Variants in PAWR observed in about 807,000 individuals in gnomAD.
PAWR encodes the protein PRKC apoptosis WT1 regulator protein.
In PAWR, 23 loss-of-function variants were observed where a neutral mutation model predicts 32.0. That is an observed-to-expected ratio of 0.72 (90% CI 0.52 to 1.02). The LOEUF is 1.02. PAWR is among the 50% of genes least tolerant of loss of function. PAWR has a pLI of 0.00. For missense variants in PAWR, 457 were observed against 437.7 expected (o/e 1.04, Z -0.39); for synonymous variants, 226 against 187.1 (o/e 1.21, Z -1.70).
chr12:79,659,449 TAA>T (rs1377651191), intron 2 of PAWR, among the ~76,000 whole-genome samples: 1 of 152,214 alleles, frequency 6.6e-6, no homozygotes, highest in Non-Finnish European at 1.5e-5. Flanking sequence ...TTCTTGTCAT[TAA>T]AAACACTGCC....
rs1873396961 is a variant in PAWR at position 79,586,781 on chromosome 12, A to G, written c.*5826T>C. On this transcript the variant is annotated 3_prime_UTR_variant, in exon 7 of 7. Transcript: ENST00000328827. ...TTGATTCAGTCATAACAGATTTTTG[A>G]AAGTGACAGTAAAATTATGCATTTG... The G allele has an allele frequency of 1.4e-4, 22 of 152,142 alleles. No individual in the cohort carries two copies. Among genetic ancestry groups the G allele is most frequent in the Admixed American group, 1.4e-3 (22 of 15,264 alleles). 9.4% of individuals were successfully genotyped at this position (152,142 alleles called of 1,614,324 possible). A position where few individuals can be genotyped will look rare whatever the true frequency, so the allele number is the denominator to read the frequency against.
At chr12:79,676,314 T>G (rs1169003951) in intron 2 of PAWR, among the ~76,000 whole-genome samples, 2 of 152,174 alleles carry the variant, frequency 1.3e-5, no homozygotes, top group Non-Finnish European at 2.9e-5. Flanking sequence ...TAATAAAATA[T>G]TCTAAGAGCC....
intron 4 of PAWR, chr12:79,596,975 A>C: frequency 4.3e-6 from 1 of 234,268 alleles, no homozygotes; most frequent in Non-Finnish European, 8.1e-6. Context: ...GAATATAACT[A>C]ATAATAAAGC....
intron 2 of PAWR, among the ~76,000 whole-genome samples, chr12:79,660,565 A>G (rs1160423164): frequency 6.6e-6 from 1 of 152,024 alleles, no homozygotes; most frequent in Admixed American, 6.6e-5. Flanking sequence ...AAGATGGCTA[A>G]AAAAACATTT....
At chr12:79,613,935 A>ATT (rs1874559496) in intron 3 of PAWR, among the ~76,000 whole-genome samples, 1 of 2,934 alleles carries the variant, frequency 3.4e-4, no homozygotes, top group African/African-American at 1.2e-3. Flanking sequence ...CCACCATTAT[A>ATT]TATATATATA....
At chr12:79,612,253 T>C (rs886970188) in intron 4 of PAWR, among the ~76,000 whole-genome samples, 1 of 152,166 alleles carries the variant, frequency 6.6e-6, no homozygotes, top group Admixed American at 6.6e-5. Flanking sequence ...AGTAAATGTA[T>C]TGAGTGTTTT....
intron 5 of PAWR, 122 bp downstream of exon 5, chr12:79,596,389 C>T: frequency 1.8e-6 from 1 of 566,002 alleles, no homozygotes; most frequent in Non-Finnish European, 3.0e-6. Flanking sequence ...TAACAGTTGG[C>T]AGAAAAGCGC....
intron 2 of PAWR, among the ~76,000 whole-genome samples, chr12:79,648,798 A>AT (rs1283508036): frequency 6.6e-6 from 1 of 151,564 alleles, no homozygotes; most frequent in Non-Finnish European, 1.5e-5. Context: ...GGCTAGAAAA[A>AT]AAAAAATAAA....
intron 2 of PAWR, among the ~76,000 whole-genome samples, chr12:79,663,628 C>T (rs534348133): frequency 8.6e-5 from 13 of 151,994 alleles, no homozygotes; most frequent in South Asian, 4.1e-4. Flanking sequence ...GGTGTGGTGG[C>T]GCACACCTGT....
At position 79,585,681 on chromosome 12, in the gene PAWR, C is replaced by T. The variant is rs773274411; in HGVS notation, c.*6926G>A. On this transcript the variant is annotated 3_prime_UTR_variant, in exon 7 of 7. Coordinates refer to ENST00000328827, the MANE Select transcript of PAWR (RefSeq NM_002583.4). ...GGTTAAAGTTATGCTCAAATTGTTACCTGAGATGCTTTGCTTCATTGAAAC... is the reference window on the plus strand; with the variant it reads ...GGTTAAAGTTATGCTCAAATTGTTATCTGAGATGCTTTGCTTCATTGAAAC... The T allele has an allele frequency of 1.3e-5, 2 of 152,262 alleles. No individual in the cohort carries two copies. The highest frequency in any genetic ancestry group is 6.5e-5 in the Admixed American group (1 of 15,278). 9.4% of individuals were successfully genotyped at this position (152,262 alleles called of 1,614,324 possible).
At chr12:79,675,800 T>C (rs1878135119) in intron 2 of PAWR, among the ~76,000 whole-genome samples, 1 of 152,062 alleles carries the variant, frequency 6.6e-6, no homozygotes, top group South Asian at 2.1e-4. Context: ...GTAACAAAAT[T>C]ATCTGTACAC....
intron 2 of PAWR, among the ~76,000 whole-genome samples, chr12:79,649,530 T>G (rs1876741152): frequency 6.6e-6 from 1 of 152,164 alleles, no homozygotes; most frequent in Non-Finnish European, 1.5e-5. Context: ...CTCATGCTTG[T>G]AATCCCAGCA....
intron 2 of PAWR, among the ~76,000 whole-genome samples, chr12:79,677,797 A>G (rs1413732749): frequency 6.6e-6 from 1 of 152,234 alleles, no homozygotes; most frequent in African/African-American, 2.4e-5. Context: ...AAGCACCTGT[A>G]TTCCTACCAT....
chr12:79,649,849 TG>T (rs1481929375), intron 2 of PAWR, among the ~76,000 whole-genome samples: 1 of 152,134 alleles, frequency 6.6e-6, no homozygotes, highest in African/African-American at 2.4e-5. Context: ...CAACAGGGAC[TG>T]GTTTCATGAA....
At position 79,633,514 on chromosome 12, in the gene PAWR, G is replaced by T. The variant is rs186995208; in HGVS notation, c.517-12307C>A. Among the ~76,000 whole-genome samples the T allele has an allele frequency of 4.1e-3, 625 of 152,014 alleles. 12 individuals carry two copies. Among genetic ancestry groups the T allele is most frequent in the African/African-American group, 0.014 (590 of 41,458 alleles). ...TTTAGCAGCATAAAGTCAGCTGTTT[G>T]TTTTTTTGTTGTTGTTTTTCTTTTA... On this transcript the variant is annotated intron_variant, in intron 2 of 6. Transcript: ENST00000328827.
chr12:79,667,980 CACA>C lies in PAWR; in HGVS notation c.516+21746_516+21748del, dbSNP rs1877693879. 2.0e-5 allele frequency: 3 copies of C among 151,994 alleles called. No individual in the cohort carries two copies. In the South Asian group the frequency reaches 6.2e-4, roughly 32 times the overall value. The allele number at this position is 151,994 out of a possible 1,614,324, so 9.4% of individuals were successfully genotyped here. A position where few individuals can be genotyped will look rare whatever the true frequency, so the allele number is the denominator to read the frequency against. ...GTGCAAAGGCACGATCTCGGCTCAC[CACA>C]ACCTCTGTCCCCCGGGTTCAAGTGA... On this transcript the variant is annotated intron_variant, in intron 2 of 6. Coordinates refer to ENST00000328827, the MANE Select transcript of PAWR (RefSeq NM_002583.4).
rs1873503841 is a variant in PAWR, at chr12:79,590,100, T to C, written c.*2507A>G. 6.6e-6 allele frequency: 1 copy of C among 152,138 alleles called. No individual in the cohort carries two copies. Among genetic ancestry groups the C allele is most frequent in the Non-Finnish European group, 1.5e-5 (1 of 68,020 alleles). The allele number at this position is 152,138 out of a possible 1,614,324, so 9.4% of individuals were successfully genotyped here. ...AAATGCTTTGCCTAAGTTGTAAGGC[T>C]CCTGTCTTTACGCTATCATTAAAGG... is the stretch of plus-strand genomic sequence containing the variant. On this transcript the variant is annotated 3_prime_UTR_variant, in exon 7 of 7. Transcript: ENST00000328827.
At chr12:79,689,685 T>A in intron 2 of PAWR, 44 bp downstream of exon 2, 1 of 1,523,264 alleles carries the variant, frequency 6.6e-7, no homozygotes, top group South Asian at 1.2e-5. Context: ...GGGAGGCAGC[T>A]GCCCGCCCCG....
chr12:79,642,724 T>C (rs1271092603), intron 2 of PAWR, among the ~76,000 whole-genome samples: 1 of 152,144 alleles, frequency 6.6e-6, no homozygotes, highest in Admixed American at 6.6e-5. Flanking sequence ...CAGTTCATAT[T>C]GGGGGCTAGG....
Sources: gnomAD v4.1 joint callset for allele counts (sites outside exome capture counted in the v4.1 genomes callset) on GRCh38, gnomAD v4.1.1 for gene constraint, MANE v1.5 for transcripts, NCBI Gene and HGNC (gene_info 2026-07-23, HGNC 2026-07-21) for gene names.